Variants in RPTOR observed in about 807,000 individuals in gnomAD.
The protein encoded by RPTOR is regulatory-associated protein of mTOR.
Under a neutral mutation model 169.9 loss-of-function variants are expected in RPTOR, and 21 were observed. That is an observed-to-expected ratio of 0.12 (90% confidence interval 0.09 to 0.18). The LOEUF (loss-of-function observed/expected upper bound fraction) is 0.18. RPTOR is among the 10% of genes least tolerant of loss of function. The pLI is 1.00. For missense variants in RPTOR, 1,133 were observed against 1,855.9 expected (o/e 0.61, Z 7.16); for synonymous variants, 732 against 753.2 (o/e 0.97, Z 0.46).
chr17:80,632,059 C>T (rs1447138035), intron 2 of RPTOR, among the ~76,000 whole-genome samples: 1 of 152,162 alleles, frequency 6.6e-6, no homozygotes, highest in Non-Finnish European at 1.5e-5. Context: ...ACAGTTCCCT[C>T]ACCCCTTCCA....
chr17:80,556,717 G>T (rs986681761), intron 1 of RPTOR, among the ~76,000 whole-genome samples: 7 of 151,572 alleles, frequency 4.6e-5, no homozygotes, highest in African/African-American at 1.5e-4. Context: ...TCTTGAAATG[G>T]ATATACTTTT....
intron 4 of RPTOR, among the ~76,000 whole-genome samples, chr17:80,712,443 T>A (rs1337866610): frequency 6.6e-6 from 1 of 152,194 alleles, no homozygotes; most frequent in Non-Finnish European, 1.5e-5. Context: ...TCAGACAGGC[T>A]TCTCTGACTC....
chr17:80,769,656 G>A (rs1008402319), intron 6 of RPTOR, among the ~76,000 whole-genome samples: 12 of 152,140 alleles, frequency 7.9e-5, no homozygotes, highest in South Asian at 6.2e-4. Flanking sequence ...AGGCAGAGGC[G>A]GCATCACTGC....
intron 13 of RPTOR, among the ~76,000 whole-genome samples, chr17:80,858,382 G>A (rs1378403119): frequency 6.6e-6 from 1 of 152,256 alleles, no homozygotes; most frequent in East Asian, 1.9e-4. Flanking sequence ...GAGGTGTTAG[G>A]GGCCACCCCC....
At chr17:80,756,930 C>CTATA (rs1286931734) in intron 6 of RPTOR, among the ~76,000 whole-genome samples, 1 of 152,062 alleles carries the variant, frequency 6.6e-6, no homozygotes, top group Non-Finnish European at 1.5e-5. Flanking sequence ...AGAAAAAGTA[C>CTATA]TATAAAAGAA....
At chr17:80,871,120 G>A (rs1022155515) in intron 13 of RPTOR, among the ~76,000 whole-genome samples, 3 of 151,232 alleles carry the variant, frequency 2.0e-5, no homozygotes, top group Non-Finnish European at 3.0e-5. Flanking sequence ...TTTTTTTTTC[G>A]TTTGAGACGG....
At chr17:80,669,157 G>C (rs955061110) in intron 3 of RPTOR, among the ~76,000 whole-genome samples, 2 of 152,222 alleles carry the variant, frequency 1.3e-5, no homozygotes, top group Non-Finnish European at 2.9e-5. Context: ...GGGGGCTTCT[G>C]GGGCTTTCTA....
At chr17:80,717,917 G>A (rs537648361) in intron 4 of RPTOR, among the ~76,000 whole-genome samples, 3 of 152,312 alleles carry the variant, frequency 2.0e-5, no homozygotes, top group African/African-American at 4.8e-5. Context: ...TCACGTAGCG[G>A]AACGTTTATC....
chr17:80,948,197 G>A (rs4969313), intron 27 of RPTOR, among the ~76,000 whole-genome samples: 54,704 of 152,084 alleles, frequency 0.36, 10,573 homozygotes, highest in East Asian at 0.55. Context: ...CGCAGCCCCT[G>A]GACACCTGAG....
chr17:80,873,619 A>C (rs1054405806), intron 13 of RPTOR, among the ~76,000 whole-genome samples: 3 of 152,188 alleles, frequency 2.0e-5, no homozygotes, highest in Non-Finnish European at 4.4e-5. Context: ...CGGAGAGGAC[A>C]AAGGCCCAGC....
At chr17:80,573,419 GTCT>G (rs146204166) in intron 1 of RPTOR, among the ~76,000 whole-genome samples, 1,827 of 152,206 alleles carry the variant, frequency 0.012, 17 homozygotes, top group Non-Finnish European at 0.019. Flanking sequence ...ATTTAGATAG[GTCT>G]TCTTTAATTT....
chr17:80,946,868 C>T (rs1335937944), intron 26 of RPTOR, among the ~76,000 whole-genome samples: 2 of 152,250 alleles, frequency 1.3e-5, no homozygotes, highest in Non-Finnish European at 2.9e-5. Context: ...TGGTGATGCT[C>T]TGTTTAATTT....
At chr17:80,658,502 T>C (rs1167173042) in intron 3 of RPTOR, among the ~76,000 whole-genome samples, 1 of 152,180 alleles carries the variant, frequency 6.6e-6, no homozygotes, top group African/African-American at 2.4e-5. Flanking sequence ...CGCACCCCCC[T>C]GTCCAGCTGA....
At chr17:80,897,459 T>C (rs975084480) in intron 20 of RPTOR, among the ~76,000 whole-genome samples, 23 of 152,256 alleles carry the variant, frequency 1.5e-4, no homozygotes, top group African/African-American at 5.5e-4. Flanking sequence ...ATTTTCCTGA[T>C]AAATGGAATT....
chr17:80,648,823 C>G (rs2065616608), intron 3 of RPTOR, among the ~76,000 whole-genome samples: 1 of 152,080 alleles, frequency 6.6e-6, no homozygotes, highest in South Asian at 2.1e-4. Context: ...AGGGGGAACC[C>G]AGTGGGAGGT....
chr17:80,571,780 C>G (rs891545304), intron 1 of RPTOR, among the ~76,000 whole-genome samples: 5 of 152,204 alleles, frequency 3.3e-5, no homozygotes, highest in African/African-American at 1.2e-4. Flanking sequence ...CTTGGCCTCC[C>G]AAAGTGCTGG....
At chr17:80,880,893 C>T (rs1197337156) in intron 14 of RPTOR, among the ~76,000 whole-genome samples, 3 of 151,984 alleles carry the variant, frequency 2.0e-5, no homozygotes, top group Non-Finnish European at 2.9e-5. Context: ...AAGAAGATAT[C>T]GAAGCACCCC....
intron 6 of RPTOR, among the ~76,000 whole-genome samples, chr17:80,788,583 TTGAA>T (rs573775373): frequency 3.7e-4 from 56 of 152,352 alleles, no homozygotes; most frequent in African/African-American, 1.2e-3. Context: ...TCTTGTTTCT[TTGAA>T]TGTGATCTAC....
chr17:80,886,191 G>C (rs957896560), intron 17 of RPTOR, among the ~76,000 whole-genome samples: 1 of 152,258 alleles, frequency 6.6e-6, no homozygotes, highest in Admixed American at 6.5e-5. Context: ...GGGGTTGTTT[G>C]TCTGGAGAGC....
Sources: allele counts gnomAD v4.1 joint callset (sites outside exome capture counted in the v4.1 genomes callset), GRCh38; gene constraint gnomAD v4.1.1; transcripts MANE v1.5; gene names NCBI Gene and HGNC (gene_info 2026-07-23, HGNC 2026-07-21).